DPP10: variants seen among roughly 807,000 people sequenced by gnomAD.
DPP10 encodes inactive dipeptidyl peptidase 10.
In DPP10, 33 loss-of-function variants were observed where a neutral mutation model predicts 120.9. The ratio of observed to expected loss-of-function variants is 0.27; its 90% CI spans 0.21 to 0.37. The LOEUF is 0.37. Ranked by LOEUF, DPP10 falls within the 10% of genes least tolerant of loss-of-function variation. DPP10 has a pLI of 1.00. For missense variants in DPP10, 816 were observed against 942.8 expected (o/e 0.87, Z 1.76); for synonymous variants, 337 against 326.1 (o/e 1.03, Z -0.36).
chr2:115,149,167 C>T (rs1299258406), intron 1 of DPP10, among the ~76,000 whole-genome samples: 1 of 152,148 alleles, frequency 6.6e-6, no homozygotes, highest in African/African-American at 2.4e-5. Context: ...TGATCAAACT[C>T]AGCTTTTATA....
chr2:115,625,962 T>G (rs2085324795), intron 5 of DPP10, among the ~76,000 whole-genome samples: 1 of 151,866 alleles, frequency 6.6e-6, no homozygotes, highest in African/African-American at 2.4e-5. Context: ...TTTCTCTCTC[T>G]TGAGATATCT....
intron 5 of DPP10, among the ~76,000 whole-genome samples, chr2:115,646,670 G>C (rs1226378501): frequency 1.3e-5 from 2 of 152,104 alleles, no homozygotes; most frequent in East Asian, 1.9e-4. Flanking sequence ...ACTTTTGAGT[G>C]AATTATGTTT....
At chr2:115,837,088 G>A (rs67496110) in intron 24 of DPP10, among the ~76,000 whole-genome samples, 13,175 of 152,174 alleles carry the variant, frequency 0.087, 623 homozygotes, top group South Asian at 0.14. Context: ...ATTTAAAAAG[G>A]CACTTGTGTC....
intron 5 of DPP10, among the ~76,000 whole-genome samples, chr2:115,655,394 T>C (rs1009597999): frequency 6.6e-6 from 1 of 151,408 alleles, no homozygotes; most frequent in East Asian, 1.9e-4. Context: ...AAAATAAAAC[T>C]TTTTTTTAGA....
rs558865004 is a variant in DPP10, at chr2:115,104,247, C to A, written c.61-204992C>A. Reference sequence around the variant, plus strand: ...CCAGGCTGGAGTACTGTGGCATGACCATAGCTCACTGCAGCCTTGACCTCC... The same window carrying A: ...CCAGGCTGGAGTACTGTGGCATGACAATAGCTCACTGCAGCCTTGACCTCC... On this transcript the variant is annotated intron_variant, in intron 1 of 25. Transcript: ENST00000410059. Among the ~76,000 whole-genome samples, 10 of 142,774 alleles carry A rather than the reference C, an allele frequency of 7.0e-5. No individual in the cohort carries two copies. In the East Asian group the frequency reaches 2.1e-3, roughly 30 times the overall value. The allele number at this position is 142,774 out of a possible 152,430, so 93.7% of individuals were successfully genotyped here.
intron 3 of DPP10, among the ~76,000 whole-genome samples, chr2:115,459,392 G>C (rs988282790): frequency 4.0e-5 from 6 of 151,786 alleles, no homozygotes; most frequent in African/African-American, 1.5e-4. Context: ...CTTGACCTCA[G>C]GTGATCCACC....
intron 1 of DPP10, among the ~76,000 whole-genome samples, chr2:114,853,170 T>C (rs944676748): frequency 6.6e-6 from 1 of 152,180 alleles, no homozygotes; most frequent in Admixed American, 6.5e-5. Context: ...TGGGGGACAA[T>C]GATCTCTGGT....
chr2:115,604,079 GTTTTTTTT>G (rs201075278), intron 5 of DPP10, among the ~76,000 whole-genome samples: 54,472 of 148,254 alleles, frequency 0.37, 10,739 homozygotes, highest in African/African-American at 0.48. Flanking sequence ...CCTTCTAGCT[GTTTTTTTT>G]TTTTTTTTTT....
intron 5 of DPP10, among the ~76,000 whole-genome samples, chr2:115,644,927 G>A (rs564664761): frequency 1.3e-5 from 2 of 152,210 alleles, no homozygotes; most frequent in East Asian, 1.9e-4. Flanking sequence ...TGAAATATCA[G>A]CATGCCTAAC....
At chr2:115,491,932 C>A in intron 3 of DPP10, among the ~76,000 whole-genome samples, 1 of 151,966 alleles carries the variant, frequency 6.6e-6, no homozygotes. Context: ...CTAAACTGAC[C>A]CAGCAGGATT....
chr2:115,390,036 T>C (rs1559531290), intron 3 of DPP10, among the ~76,000 whole-genome samples: 1 of 152,200 alleles, frequency 6.6e-6, no homozygotes, highest in Non-Finnish European at 1.5e-5. Flanking sequence ...AAAGTAGTTC[T>C]ATATACAACA....
intron 1 of DPP10, among the ~76,000 whole-genome samples, chr2:115,087,133 T>C (rs754209919): frequency 8.5e-5 from 13 of 152,328 alleles, no homozygotes; most frequent in Non-Finnish European, 8.8e-5. Flanking sequence ...CACTCTCTCA[T>C]GTTACCATTT....
intron 1 of DPP10, among the ~76,000 whole-genome samples, chr2:115,179,657 C>T (rs1044171925): frequency 1.1e-4 from 16 of 152,176 alleles, no homozygotes; most frequent in African/African-American, 3.6e-4. Flanking sequence ...AAAATTACCT[C>T]GATAAATTAT....
chr2:115,019,051 G>T (rs1432182241), intron 1 of DPP10, among the ~76,000 whole-genome samples: 1 of 151,270 alleles, frequency 6.6e-6, no homozygotes, highest in African/African-American at 2.4e-5. Flanking sequence ...GCACCCACCT[G>T]CCACCCCTCC....
chr2:114,522,148 T>A (rs973744973), intron 1 of DPP10, among the ~76,000 whole-genome samples: 30 of 148,100 alleles, frequency 2.0e-4, no homozygotes, highest in African/African-American at 7.4e-4. Flanking sequence ...CCCGGCTAAT[T>A]TTTTTTTTTG....
intron 1 of DPP10, among the ~76,000 whole-genome samples, chr2:114,998,871 C>T (rs1411362751): frequency 1.3e-5 from 2 of 152,230 alleles, no homozygotes; most frequent in Admixed American, 1.3e-4. Flanking sequence ...TTTTTTGGAC[C>T]TTTCTTCCAT....
intron 1 of DPP10, among the ~76,000 whole-genome samples, chr2:114,449,326 A>G (rs1415568668): frequency 6.6e-6 from 1 of 152,148 alleles, no homozygotes; most frequent in African/African-American, 2.4e-5. Flanking sequence ...AATTGTGAAC[A>G]AAGCTGGCCT....
intron 5 of DPP10, among the ~76,000 whole-genome samples, chr2:115,646,738 G>A (rs2087297253): frequency 6.6e-6 from 1 of 152,120 alleles, no homozygotes; most frequent in African/African-American, 2.4e-5. Context: ...TTCTAAAAAA[G>A]TTGACAACCC....
intron 2 of DPP10, among the ~76,000 whole-genome samples, chr2:115,329,930 T>C (rs1160398288): frequency 6.6e-6 from 1 of 152,210 alleles, no homozygotes; most frequent in Non-Finnish European, 1.5e-5. Flanking sequence ...CAGCATGATT[T>C]ATAATCCTTT....
Sources: allele counts gnomAD v4.1 joint callset (sites outside exome capture counted in the v4.1 genomes callset), GRCh38; gene constraint gnomAD v4.1.1; transcripts MANE v1.5; gene names NCBI Gene and HGNC (gene_info 2026-07-23, HGNC 2026-07-21).